PUM2: variants seen among roughly 807,000 people sequenced by gnomAD.
PUM2 encodes the protein pumilio RNA binding family member 2.
A neutral mutation model predicts 124.5 loss-of-function variants in PUM2; 57 were observed. The ratio of observed to expected loss-of-function variants is 0.46; its 90% CI spans 0.37 to 0.57. The LOEUF (loss-of-function observed/expected upper bound fraction) is 0.57, where lower values mean the gene tolerates loss of function less well. PUM2 is among the 20% of genes least tolerant of loss of function. The pLI is 0.00. For missense variants in PUM2, 1,065 were observed against 1,290.6 expected (o/e 0.83, Z 2.68); for synonymous variants, 460 against 446.1 (o/e 1.03, Z -0.39).
intron 13 of PUM2, among the ~76,000 whole-genome samples, chr2:20,264,397 T>TATATATATATATATATA (rs1667167553): frequency 9.2e-6 from 1 of 108,402 alleles, no homozygotes; most frequent in Non-Finnish European, 1.8e-5. Flanking sequence ...TATATATATA[T>TATATATATATATATATA]TTGACATAAA....
intron 13 of PUM2, among the ~76,000 whole-genome samples, chr2:20,272,178 TG>T (rs1669197905): frequency 3.3e-5 from 5 of 151,678 alleles, no homozygotes; most frequent in African/African-American, 4.9e-5. Flanking sequence ...AATGAATGAA[TG>T]AATGAATGAA....
chr2:20,342,604 TAGAG>T (rs1282433962), intron 1 of PUM2, among the ~76,000 whole-genome samples: 2 of 152,216 alleles, frequency 1.3e-5, no homozygotes, highest in African/African-American at 4.8e-5. Flanking sequence ...CTGGGTAGAA[TAGAG>T]ATTTAATTTT....
In PUM2 at chr2:20,321,636, G is replaced by GA. The variant is rs1040775803; in HGVS notation, c.52-2992dup. On this transcript the variant is annotated intron_variant, in intron 2 of 20. Transcript: ENST00000361078. ...TTCAGGATAGAACACAGTTAAAGAG[G>GA]AAAAAAAAAGGTTAAACAATGCATT... Among the ~76,000 whole-genome samples, 28 of 149,132 alleles carry GA rather than the reference G, an allele frequency of 1.9e-4. 1 individual carries two copies. Among genetic ancestry groups the GA allele is most frequent in the South Asian group, 8.5e-4 (4 of 4,712 alleles).
chr2:20,276,557 A>G (rs1033261925), intron 13 of PUM2, among the ~76,000 whole-genome samples: 5 of 152,148 alleles, frequency 3.3e-5, no homozygotes, highest in African/African-American at 1.2e-4. Flanking sequence ...TTCCATTTCC[A>G]TAAGTCTTTT....
intron 19 of PUM2, among the ~76,000 whole-genome samples, chr2:20,254,457 C>A (rs1478249616): frequency 1.3e-5 from 2 of 152,044 alleles, no homozygotes; most frequent in East Asian, 3.9e-4. Context: ...CTGTACCCAG[C>A]CAATTACTTT....
intron 7 of PUM2, among the ~76,000 whole-genome samples, chr2:20,301,278 C>A (rs559844329): frequency 1.3e-5 from 2 of 152,306 alleles, no homozygotes; most frequent in East Asian, 3.9e-4. Context: ...GCAACTTCAT[C>A]TATCATGAAT....
intron 7 of PUM2, among the ~76,000 whole-genome samples, chr2:20,306,459 T>A (rs923303004): frequency 6.6e-6 from 1 of 151,718 alleles, no homozygotes; most frequent in Non-Finnish European, 1.5e-5. Context: ...GTGCTGTCCA[T>A]GAATAGACAG....
In PUM2 at chr2:20,258,225, G is replaced by A. The variant is rs777273336; in HGVS notation, c.2484+18C>T. ...TTGAATAAAATAATACAAAAATTTTGTCTTAACTTACAATTACCTGCTGGT... is the reference window on the plus strand; with the variant it reads ...TTGAATAAAATAATACAAAAATTTTATCTTAACTTACAATTACCTGCTGGT... On this transcript the variant is annotated intron_variant, in intron 16 of 20. Transcript: ENST00000361078. The A allele has an allele frequency of 6.4e-7, 1 of 1,568,366 alleles. No homozygotes were observed. Among genetic ancestry groups the A allele is most frequent in the Admixed American group, 1.9e-5 (1 of 52,452 alleles).
chr2:20,306,635 GTCTC>G (rs1348953705), intron 7 of PUM2, among the ~76,000 whole-genome samples: 1 of 144,360 alleles, frequency 6.9e-6, no homozygotes, highest in African/African-American at 2.6e-5. Flanking sequence ...CTTGAGCGGA[GTCTC>G]TCTCTGTCAC....
In PUM2 at chr2:20,327,278, G is replaced by T. The variant is rs776471396; in HGVS notation, c.51+32C>A. On this transcript the variant is annotated intron_variant, in intron 2 of 20. Coordinates refer to ENST00000361078, the MANE Select transcript of PUM2 (RefSeq NM_015317.5). ...GTTACAATGGCTCAAAATAAAGTGAGGTGTAAGTTCTTAGTATTTGCAAAC... is the reference window on the plus strand; with the variant it reads ...GTTACAATGGCTCAAAATAAAGTGATGTGTAAGTTCTTAGTATTTGCAAAC... 3.2e-5 allele frequency: 45 copies of T among 1,392,646 alleles called. 1 individual carries two copies. 86.3% of individuals were successfully genotyped at this position (1,392,646 alleles called of 1,614,324 possible). A position where few individuals can be genotyped will look rare whatever the true frequency, so the allele number is the denominator to read the frequency against.
rs77974018 is a variant in PUM2, at chr2:20,338,805, C to G, written c.-18-11427G>C. Among the ~76,000 whole-genome samples the G allele has an allele frequency of 7.0e-3, 1,064 of 152,302 alleles. 11 individuals carry two copies. Among genetic ancestry groups the G allele is most frequent in the African/African-American group, 0.024 (979 of 41,560 alleles). Reference sequence around the variant, plus strand: ...AGTGAAAACCAATCTATGCTCCTATCATCCTAGTTTTGTAAAAACAGGATG... The same window carrying G: ...AGTGAAAACCAATCTATGCTCCTATGATCCTAGTTTTGTAAAAACAGGATG... On this transcript the variant is annotated intron_variant, in intron 1 of 20. Coordinates refer to ENST00000361078, the MANE Select transcript of PUM2 (RefSeq NM_015317.5).
intron 10 of PUM2, 47 bp from the exon 11 acceptor site, chr2:20,283,533 A>G (rs1277375709): frequency 1.9e-6 from 3 of 1,547,606 alleles, no homozygotes; most frequent in African/African-American, 2.8e-5. Flanking sequence ...TTACAAAAAC[A>G]TGCATATTTG....
intron 13 of PUM2, among the ~76,000 whole-genome samples, chr2:20,272,748 C>T (rs1002708963): frequency 6.6e-6 from 1 of 152,156 alleles, no homozygotes; most frequent in African/African-American, 2.4e-5. Context: ...TAGAAGAAAG[C>T]TGGTATCTTT....
chr2:20,306,302 C>T (rs1009826691), intron 7 of PUM2, among the ~76,000 whole-genome samples: 14 of 152,126 alleles, frequency 9.2e-5, no homozygotes, highest in African/African-American at 3.4e-4. Flanking sequence ...ACATTTAATC[C>T]TATCTTCTGG....
At chr2:20,336,686 TG>T (rs1686117538) in intron 1 of PUM2, among the ~76,000 whole-genome samples, 2 of 133,406 alleles carry the variant, frequency 1.5e-5, no homozygotes, top group East Asian at 2.0e-4. Flanking sequence ...CTAATTTGTG[TG>T]TGTGTGTGTG....
chr2:20,258,833 A>C (rs907036832), intron 15 of PUM2, among the ~76,000 whole-genome samples: 2 of 151,042 alleles, frequency 1.3e-5, no homozygotes, highest in Admixed American at 1.3e-4. Context: ...GCGCCCGGCT[A>C]ATTTTTTGTA....
chr2:20,350,795 G>T lies in PUM2; in HGVS notation c.-217C>A, dbSNP rs1291970737. On this transcript the variant is annotated 5_prime_UTR_variant, in exon 1 of 21. Coordinates refer to ENST00000361078, the MANE Select transcript of PUM2 (RefSeq NM_015317.5). ...CGAACCACCGAAGTACCGAGGGTGA[G>T]ACACAGAGACTCACAACAACATGGC... is the stretch of plus-strand genomic sequence containing the variant. The T allele has an allele frequency of 3.1e-5, 30 of 980,786 alleles. No homozygotes were observed. The highest frequency in any genetic ancestry group is 3.4e-5 in the Non-Finnish European group (28 of 827,616). The allele number at this position is 980,786 out of a possible 1,614,324, so 60.8% of individuals were successfully genotyped here.
intron 10 of PUM2, among the ~76,000 whole-genome samples, chr2:20,288,171 T>A (rs1171924102): frequency 6.6e-6 from 1 of 152,188 alleles, no homozygotes; most frequent in Non-Finnish European, 1.5e-5. Context: ...ACAGCAAATC[T>A]GACTCTGAAG....
At chr2:20,279,571 T>C (rs1265138421) in intron 12 of PUM2, among the ~76,000 whole-genome samples, 5 of 152,150 alleles carry the variant, frequency 3.3e-5, no homozygotes. Context: ...GCTGATCAGG[T>C]TTTTGTCATT....
Sources: gnomAD v4.1 joint callset for allele counts (sites outside exome capture counted in the v4.1 genomes callset) on GRCh38, gnomAD v4.1.1 for gene constraint, MANE v1.5 for transcripts, NCBI Gene and HGNC (gene_info 2026-07-23, HGNC 2026-07-21) for gene names.